The following CTNNA3 variants were observed in gnomAD, a reference collection of about 807,000 sequenced individuals.
The protein encoded by CTNNA3 is catenin alpha 3, also known as catenin alpha-3.
Under a neutral mutation model 95.7 loss-of-function variants are expected in CTNNA3, and 76 were observed. That is an observed-to-expected ratio of 0.79 (90% confidence interval 0.66 to 0.96). CTNNA3 has a LOEUF of 0.96. Ranked by LOEUF, CTNNA3 falls within the 40% of genes least tolerant of loss-of-function variation. The probability of loss-of-function intolerance (pLI) is 0.00; values close to 1 mark genes in which losing one functional copy is unlikely to be tolerated. For missense variants in CTNNA3, 1,191 were observed against 1,089.8 expected, an observed-to-expected ratio of 1.09 and a Z score of -1.31; for synonymous variants, 431 against 374.4, an observed-to-expected ratio of 1.15 and a Z score of -1.74.
intron 10 of CTNNA3, among the ~76,000 whole-genome samples, chr10:66,552,935 T>C (rs191253355): frequency 5.9e-5 from 9 of 152,212 alleles, no homozygotes; most frequent in African/African-American, 2.2e-4. Flanking sequence ...TCTCTGATAG[T>C]TGATAAGTAT....
At position 67,279,675 on chromosome 10, in the gene CTNNA3, TGA is replaced by T. The variant is rs1377447059; in HGVS notation, c.580-59807_580-59806del. On this transcript the variant is annotated intron_variant, in intron 5 of 17. Coordinates refer to ENST00000433211, the MANE Select transcript of CTNNA3 (RefSeq NM_013266.4). ...GCTTAGGAACAAAAGGAAAGGCGGC[TGA>T]CTCAGCCTTCAGCTTAACTTTTTCC... Among the ~76,000 whole-genome samples, 3 of 150,464 alleles carry T rather than the reference TGA, an allele frequency of 2.0e-5. No homozygotes were observed. The East Asian group carries it at 5.8e-4, about 29-fold the overall frequency.
intron 5 of CTNNA3, among the ~76,000 whole-genome samples, chr10:67,373,407 T>C (rs1346435001): frequency 6.6e-6 from 1 of 152,166 alleles, no homozygotes; most frequent in African/African-American, 2.4e-5. Flanking sequence ...GAGGGATAAA[T>C]TCAACAAGAA....
chr10:67,293,623 C>T (rs1839919844), intron 5 of CTNNA3, among the ~76,000 whole-genome samples: 1 of 151,356 alleles, frequency 6.6e-6, no homozygotes, highest in African/African-American at 2.4e-5. Flanking sequence ...CCCATTAACT[C>T]GTCATTTAAC....
intron 2 of CTNNA3, among the ~76,000 whole-genome samples, chr10:67,633,042 G>C (rs1047613782): frequency 6.6e-6 from 1 of 152,206 alleles, no homozygotes; most frequent in Non-Finnish European, 1.5e-5. Flanking sequence ...ATTCCAGCCT[G>C]ATGGCTTTGG....
intron 11 of CTNNA3, among the ~76,000 whole-genome samples, chr10:66,413,871 C>G (rs777194689): frequency 3.9e-5 from 6 of 152,244 alleles, no homozygotes; most frequent in Non-Finnish European, 8.8e-5. Context: ...CCACAATCAA[C>G]AATAGGTACA....
chr10:67,345,313 T>C (rs1037407767), intron 5 of CTNNA3, among the ~76,000 whole-genome samples: 1 of 152,038 alleles, frequency 6.6e-6, no homozygotes, highest in Non-Finnish European at 1.5e-5. Flanking sequence ...TGTGTATTCA[T>C]TGGATGACAT....
At chr10:66,610,087 G>A (rs954903273) in intron 10 of CTNNA3, among the ~76,000 whole-genome samples, 2 of 152,098 alleles carry the variant, frequency 1.3e-5, no homozygotes, top group Non-Finnish European at 2.9e-5. Context: ...AATAGACACT[G>A]GTGCCTGCTG....
chr10:66,209,496 G>C (rs1228659424), intron 13 of CTNNA3, among the ~76,000 whole-genome samples: 1 of 152,134 alleles, frequency 6.6e-6, no homozygotes, highest in African/African-American at 2.4e-5. Flanking sequence ...CATACATCTG[G>C]AGTATGGAAA....
chr10:65,940,799 C>G (rs1316526232), intron 17 of CTNNA3, among the ~76,000 whole-genome samples: 1 of 152,088 alleles, frequency 6.6e-6, no homozygotes, highest in Non-Finnish European at 1.5e-5. Flanking sequence ...ATGCCATTCA[C>G]AAAAGAAAAT....
intron 10 of CTNNA3, among the ~76,000 whole-genome samples, chr10:66,588,303 C>T (rs565213744): frequency 5.6e-4 from 86 of 152,246 alleles, no homozygotes; most frequent in South Asian, 2.3e-3. Flanking sequence ...GTGTAGGCTG[C>T]TGTTTCTTCT....
intron 9 of CTNNA3, among the ~76,000 whole-genome samples, chr10:66,635,812 C>T (rs7893164): frequency 6.6e-6 from 1 of 151,874 alleles, no homozygotes; most frequent in African/African-American, 2.4e-5. Flanking sequence ...CTTCTATCTT[C>T]GAAGACATCA....
chr10:67,323,067 TG>T (rs1280000689), intron 5 of CTNNA3, among the ~76,000 whole-genome samples: 3 of 152,344 alleles, frequency 2.0e-5, no homozygotes, highest in Non-Finnish European at 4.4e-5. Context: ...TTAATGGGGT[TG>T]TTTTTTTCTT....
intron 12 of CTNNA3, among the ~76,000 whole-genome samples, chr10:66,331,446 C>T (rs1346588878): frequency 5.5e-5 from 8 of 144,254 alleles, no homozygotes; most frequent in African/African-American, 1.8e-4. Context: ...CTCCGCCTCC[C>T]GGGTTCACGC....
intron 7 of CTNNA3, among the ~76,000 whole-genome samples, chr10:66,819,127 T>C (rs1842207298): frequency 6.7e-6 from 1 of 148,276 alleles, no homozygotes; most frequent in African/African-American, 2.5e-5. Context: ...GTTGGAGTAG[T>C]ATTGGCATAA....
intron 7 of CTNNA3, among the ~76,000 whole-genome samples, chr10:67,021,003 C>T (rs1475371897): frequency 2.0e-5 from 3 of 152,168 alleles, no homozygotes; most frequent in Admixed American, 6.6e-5. Context: ...GAGATACCAA[C>T]TGAAGAGTTT....
At chr10:67,290,542 G>A (rs923573374) in intron 5 of CTNNA3, among the ~76,000 whole-genome samples, 4 of 152,140 alleles carry the variant, frequency 2.6e-5, no homozygotes, top group Non-Finnish European at 4.4e-5. Flanking sequence ...AGCATTTTAT[G>A]TGTATTATCA....
rs568470569 is a variant in CTNNA3, at chr10:65,956,931, C to T, written c.2400+9681G>A. 2.8e-4 allele frequency among the ~76,000 whole-genome samples: 42 copies of T among 152,216 alleles called. No homozygotes were observed. The South Asian group carries it at 7.5e-3, about 27-fold the overall frequency. The stretch of plus-strand genomic sequence containing the variant: ...GCTTGGTGCAGAGCTGAGTTCAAGT[C>T]CTGGATATCCTTGTTAACTTTCTGT... On this transcript the variant is annotated intron_variant, in intron 17 of 17. Coordinates refer to ENST00000433211, the MANE Select transcript of CTNNA3 (RefSeq NM_013266.4).
At chr10:67,718,631 C>T (rs566426496) in intron 1 of CTNNA3, among the ~76,000 whole-genome samples, 19 of 152,236 alleles carry the variant, frequency 1.2e-4, no homozygotes, top group South Asian at 2.1e-4. Context: ...ATATGTTGAA[C>T]GAGCCTTGCA....
chr10:66,089,118 G>A (rs1182731531), intron 14 of CTNNA3, among the ~76,000 whole-genome samples: 1 of 151,220 alleles, frequency 6.6e-6, no homozygotes, highest in Non-Finnish European at 1.5e-5. Context: ...TTTGTTTTTG[G>A]TCTTTGGTAT....
Sources: gnomAD v4.1 joint callset for allele counts (sites outside exome capture counted in the v4.1 genomes callset) on GRCh38, gnomAD v4.1.1 for gene constraint, MANE v1.5 for transcripts, NCBI Gene and HGNC (gene_info 2026-07-23, HGNC 2026-07-21) for gene names.